The following COL18A1 variants were observed in gnomAD, a reference collection of about 807,000 sequenced individuals.
The protein encoded by COL18A1 is collagen alpha-1(XVIII) chain.
Under a neutral mutation model 168.0 loss-of-function variants are expected in COL18A1, and 133 were observed. The observed-to-expected ratio is 0.79, with a 90% CI of 0.69 to 0.91. The LOEUF is 0.91. COL18A1 is among the 40% of genes least tolerant of loss of function. The probability of loss-of-function intolerance (pLI) is 0.00; values close to 1 mark genes in which losing one functional copy is unlikely to be tolerated. For synonymous variants in COL18A1, 949 were observed against 809.0 expected (o/e 1.17, Z -2.94); for missense variants, 2,126 against 1,925.4 (o/e 1.10, Z -1.95).
Position 45,495,445 on chromosome 21 carries a change from C to G in COL18A1, c.2508+13C>G, listed in dbSNP as rs757741271. ...ATTTGGCATGAGGGTGAGTGTCTCT[C>G]AAGGGGCGGACTGGGTGGCTGGGAG... is the stretch of plus-strand genomic sequence containing the variant. On this transcript the variant is annotated intron_variant, in intron 29 of 41. Coordinates refer to ENST00000651438, the MANE Select transcript of COL18A1 (RefSeq NM_001379500.1). 5.6e-6 allele frequency: 9 copies of G among 1,598,340 alleles called. No homozygotes were observed. Among genetic ancestry groups the G allele is most frequent in the Non-Finnish European group, 7.7e-6 (9 of 1,171,410 alleles).
chr21:45,433,345 T>C (rs7283026), intron 2 of COL18A1, among the ~76,000 whole-genome samples: 63,119 of 152,116 alleles, frequency 0.41, 15,726 homozygotes, highest in African/African-American at 0.7. Flanking sequence ...CTAGTACCCA[T>C]TGTGTGTGGA....
chr21:45,471,042 G>C lies in COL18A1; in HGVS notation c.651+2256G>C, dbSNP rs1031354918. On this transcript the variant is annotated intron_variant, in intron 3 of 41. Coordinates refer to ENST00000651438, the MANE Select transcript of COL18A1 (RefSeq NM_001379500.1). The surrounding 1 kb of genome is among the most constrained non-coding windows in gnomAD (Gnocchi z 4.4). ...GCTACGGGCTTGTGCTGCTGGGTGT[G>C]GGTGGCGCGCTACGGGCCTTGTGCT... Among the ~76,000 whole-genome samples the C allele has an allele frequency of 6.7e-6, 1 of 149,090 alleles. No homozygotes were observed. Among genetic ancestry groups the C allele is most frequent in the African/African-American group, 2.5e-5 (1 of 40,258 alleles).
chr21:45,504,225 G>T, intron 33 of COL18A1, 171 bp downstream of exon 33: 1 of 929,854 alleles, frequency 1.1e-6, no homozygotes. Context: ...TCCTGTCCCC[G>T]GCTCAGTTTT....
intron 2 of COL18A1, among the ~76,000 whole-genome samples, chr21:45,435,786 C>A (rs866260926): frequency 1.3e-5 from 2 of 152,148 alleles, no homozygotes; most frequent in African/African-American, 4.8e-5. Flanking sequence ...GTCCCCCCGG[C>A]GCTCCCTGGC....
At position 45,442,857 on chromosome 21, in the gene COL18A1, C is replaced by CCTGGTGTGGGCGGTGGTGGTG. The variant is rs1359651037; in HGVS notation, c.107-25373_107-25353dup. Among the ~76,000 whole-genome samples the CCTGGTGTGGGCGGTGGTGGTG allele has an allele frequency of 9.7e-5, 9 of 93,070 alleles. 1 individual carries two copies. Among genetic ancestry groups the CCTGGTGTGGGCGGTGGTGGTG allele is most frequent in the Admixed American group, 3.6e-4 (3 of 8,268 alleles). 61.1% of individuals were successfully genotyped at this position (93,070 alleles called of 152,430 possible). A position where few individuals can be genotyped will look rare whatever the true frequency, so the allele number is the denominator to read the frequency against. ...CGGCGGTCCTGGTGTGGGCGGAGGT[C>CCTGGTGTGGGCGGTGGTGGTG]CTGGTGTGGGCGGTGGTGGTGCTGG... On this transcript the variant is annotated intron_variant, in intron 2 of 41. Coordinates refer to ENST00000651438, the MANE Select transcript of COL18A1 (RefSeq NM_001379500.1).
At chr21:45,500,182 TGTG>T (rs1433496268) in intron 32 of COL18A1, among the ~76,000 whole-genome samples, 1 of 57,800 alleles carries the variant, frequency 1.7e-5, no homozygotes, top group Non-Finnish European at 3.4e-5. Context: ...GGGTGTATAG[TGTG>T]GGTGTGTGTG....
chr21:45,512,337 G>C lies in COL18A1; in HGVS notation c.3959G>C (p.Ser1320Thr), dbSNP rs2037661427. The C allele has an allele frequency of 2.5e-6, 4 of 1,612,702 alleles. No homozygotes were observed. The East Asian group carries it at 8.9e-5, about 36-fold the overall frequency. Residue 1320 changes from serine (S) to threonine (T), a missense_variant, in exon 42 of 42, where the codon AGC becomes ACC. Transcript: ENST00000651438. ...AGGCTCCTGGGGCAGAGTGCCGCGA[G>C]CTGCCATCACGCCTACATCGTGCTC... ...GGRLLGQSAASCHHAYIVLCI... is the reference protein window; with the variant it reads ...GGRLLGQSAATCHHAYIVLCI...
At chr21:45,493,332 C>T in intron 25 of COL18A1, 107 bp downstream of exon 25, 3 of 1,360,542 alleles carry the variant, frequency 2.2e-6, no homozygotes, top group East Asian at 2.5e-5. Context: ...CCGGCTGCTG[C>T]TGTGACACGT....
At chr21:45,493,479 G>C (rs767652468) in intron 25 of COL18A1, 22 bp from the exon 26 acceptor site, 2 of 1,550,744 alleles carry the variant, frequency 1.3e-6, no homozygotes, top group Non-Finnish European at 1.7e-6. Flanking sequence ...CCCTGACTCT[G>C]CTGGACCTCC....
At position 45,510,192 on chromosome 21, in the gene COL18A1, G is replaced by A. The variant is rs370750158; in HGVS notation, c.3624G>A (p.Ser1208=). 2.0e-4 allele frequency: 327 copies of A among 1,599,140 alleles called. No individual in the cohort carries two copies. Among genetic ancestry groups the A allele is most frequent in the Middle Eastern group, 1.7e-4 (1 of 6,032 alleles). ...GCACCTTCCGCGCCTTCCTGTCCTCGCGCCTGCAGGACCTGTACAGCATCG... is the reference window on the plus strand; with the variant it reads ...GCACCTTCCGCGCCTTCCTGTCCTCACGCCTGCAGGACCTGTACAGCATCG... ...LAGTFRAFLS[S]RLQDLYSIVR... Residue 1208 remains serine (S), a synonymous_variant, in exon 40 of 42, where the codon TCG becomes TCA. Coordinates refer to ENST00000651438, the MANE Select transcript of COL18A1 (RefSeq NM_001379500.1).
Position 45,512,282 on chromosome 21 carries a change from A to T in COL18A1, c.3904A>T (p.Thr1302Ser). 1 of 1,611,946 alleles carries T rather than the reference A, an allele frequency of 6.2e-7. No homozygotes were observed. The highest frequency in any genetic ancestry group is 8.5e-7 in the Non-Finnish European group (1 of 1,179,628). ...GTGGCGGACGGAGGCTCCCTCGGCC[A>T]CGGGCCAGGCCTCCTCGCTGCTGGG... ...ETWRTEAPSA[T>S]GQASSLLGGR... The change falls in exon 42 of 42, where the codon ACG becomes TCG. Residue 1302 changes from threonine to serine, a missense_variant. Transcript: ENST00000651438.
chr21:45,494,987 G>C (rs972867384), intron 28 of COL18A1, 72 bp downstream of exon 28: 1 of 1,359,476 alleles, frequency 7.4e-7, no homozygotes, highest in Non-Finnish European at 1.0e-6. Context: ...AGGCCCACGG[G>C]GGTGACATGC....
At chr21:45,467,918 G>C (rs975533822) in intron 2 of COL18A1, among the ~76,000 whole-genome samples, 6 of 152,202 alleles carry the variant, frequency 3.9e-5, no homozygotes, top group Non-Finnish European at 8.8e-5. Flanking sequence ...TGGACACCAT[G>C]TCTGCTGTGC....
intron 2 of COL18A1, chr21:45,455,955 C>T (rs1462221937): frequency 6.2e-7 from 1 of 1,612,966 alleles, no homozygotes; most frequent in Non-Finnish European, 8.5e-7. Context: ...AGGGCGGAAA[C>T]CCTGGTCCTG....
rs747602258 is a variant in COL18A1, at chr21:45,498,604, C to T, written c.2683+943C>T. On this transcript the variant is annotated intron_variant, in intron 32 of 41. Coordinates refer to ENST00000651438, the MANE Select transcript of COL18A1 (RefSeq NM_001379500.1). The surrounding 1 kb of genome is among the most constrained non-coding windows in gnomAD (Gnocchi z 4.5). ...AGAGGCCGAGTCTGGGCCGGGACAT[C>T]CTTAAGGCCTGTGGAGGCAAAGGCA... is the stretch of plus-strand genomic sequence containing the variant. The T allele has an allele frequency of 1.4e-6, 1 of 711,994 alleles. No homozygotes were observed. Among genetic ancestry groups the T allele is most frequent in the South Asian group, 1.5e-5 (1 of 67,498 alleles). 44.1% of individuals were successfully genotyped at this position (711,994 alleles called of 1,614,324 possible).
intron 2 of COL18A1, chr21:45,456,466 G>T (rs1259100046): frequency 6.5e-7 from 1 of 1,545,456 alleles, no homozygotes; most frequent in Non-Finnish European, 8.8e-7. Context: ...CTAACTCTGT[G>T]GGGCCGGGTC....
At chr21:45,415,548 G>A (rs752106557) in intron 2 of COL18A1, among the ~76,000 whole-genome samples, 14 of 152,332 alleles carry the variant, frequency 9.2e-5, no homozygotes, top group African/African-American at 2.9e-4. Context: ...CCCCCCTTCC[G>A]GAAGATGGAT....
chr21:45,475,368 G>C (rs895971461), intron 4 of COL18A1, 108 bp from the exon 5 acceptor site: 10 of 1,011,860 alleles, frequency 9.9e-6, no homozygotes, highest in Non-Finnish European at 1.5e-5. Context: ...CGAGGCGAGA[G>C]GGGGCCTGGA....
chr21:45,462,987 C>T (rs1251139951), intron 2 of COL18A1, among the ~76,000 whole-genome samples: 1 of 152,198 alleles, frequency 6.6e-6, no homozygotes, highest in East Asian at 1.9e-4. Flanking sequence ...CTGAGCCTGT[C>T]CCTTTCCCTG....
Sources: allele counts gnomAD v4.1 joint callset (sites outside exome capture counted in the v4.1 genomes callset), GRCh38; gene constraint gnomAD v4.1.1; non-coding constraint Gnocchi (gnomAD v3.1); transcripts MANE v1.5; gene names NCBI Gene and HGNC (gene_info 2026-07-23, HGNC 2026-07-21).